The following ARHGAP26 variants were observed in gnomAD, a reference collection of about 807,000 sequenced individuals.
ARHGAP26 encodes rho GTPase-activating protein 26.
A neutral mutation model predicts 104.8 loss-of-function variants in ARHGAP26; 38 were observed. That is an observed-to-expected ratio of 0.36 (90% CI 0.28 to 0.48). The LOEUF is 0.48. Among genes scored for constraint, ARHGAP26 ranks in the 20% least tolerant of loss-of-function variants. The pLI, the probability that ARHGAP26 is intolerant of heterozygous loss-of-function variation, is 0.99. For synonymous variants in ARHGAP26, 341 were observed against 340.0 expected, an observed-to-expected ratio of 1.00 and a Z score of -0.03; for missense variants, 704 against 947.9, an observed-to-expected ratio of 0.74 and a Z score of 3.38.
In ARHGAP26 at chr5:142,907,724, G is replaced by GT; in HGVS notation, c.854dup (p.Lys286GlufsTer19). 6.2e-7 allele frequency: 1 copy of GT among 1,605,628 alleles called. No homozygotes were observed. Among genetic ancestry groups the GT allele is most frequent in the Non-Finnish European group, 8.5e-7 (1 of 1,174,476 alleles). On this transcript the variant is annotated frameshift_variant, in exon 9 of 23. Transcript: ENST00000645722. LOFTEE classifies it high-confidence loss of function. ...TTCAGGTCACTTTGGAACTTCTTGG[G>GT]TGAAGCACTACTGTACATATCAACG...
At chr5:142,829,072 T>C (rs1394048447) in intron 1 of ARHGAP26, among the ~76,000 whole-genome samples, 1 of 152,230 alleles carries the variant, frequency 6.6e-6, no homozygotes, top group Non-Finnish European at 1.5e-5. Flanking sequence ...AAGTGCTGGT[T>C]AGGCATGTGC....
chr5:142,984,584 G>T (rs538231625), intron 11 of ARHGAP26, among the ~76,000 whole-genome samples: 2 of 152,042 alleles, frequency 1.3e-5, no homozygotes, highest in Non-Finnish European at 2.9e-5. Context: ...TTTTCTTAGC[G>T]TAATGCATAG....
chr5:143,050,442 T>A (rs1784850824), intron 14 of ARHGAP26, among the ~76,000 whole-genome samples: 1 of 152,128 alleles, frequency 6.6e-6, no homozygotes, highest in South Asian at 2.1e-4. Context: ...CACGGAATTA[T>A]AGTAGCATGC....
At chr5:142,950,103 G>A (rs1157628751) in intron 11 of ARHGAP26, among the ~76,000 whole-genome samples, 2 of 152,212 alleles carry the variant, frequency 1.3e-5, no homozygotes, top group African/African-American at 4.8e-5. Flanking sequence ...CTTGCCCAGA[G>A]ATAAAATACA....
chr5:143,117,806 A>G (rs1337473404), intron 17 of ARHGAP26, among the ~76,000 whole-genome samples: 1 of 152,208 alleles, frequency 6.6e-6, no homozygotes, highest in African/African-American at 2.4e-5. Context: ...GATAGTTGAG[A>G]TACATTCCCC....
intron 1 of ARHGAP26, among the ~76,000 whole-genome samples, chr5:142,771,861 C>G (rs564662456): frequency 6.6e-6 from 1 of 152,266 alleles, no homozygotes; most frequent in African/African-American, 2.4e-5. Context: ...TTTTTCTGGC[C>G]AAATAAGCGT....
chr5:142,792,726 G>A (rs2151916836), intron 1 of ARHGAP26, among the ~76,000 whole-genome samples: 1 of 152,264 alleles, frequency 6.6e-6, no homozygotes, highest in South Asian at 2.1e-4. Context: ...GGATGTAGCT[G>A]TGGAATGAGC....
At position 143,206,164 on chromosome 5, in the gene ARHGAP26, C is replaced by T. The variant is rs1031004150; in HGVS notation, c.1989-1034C>T. On this transcript the variant is annotated intron_variant, in intron 20 of 22. Transcript: ENST00000645722. ...TGCAGTACGCTTAGAAAGTCTGTTC[C>T]CCTTGAACCGGATTTCTGTCATTTT... 3.3e-5 allele frequency among the ~76,000 whole-genome samples: 5 copies of T among 152,196 alleles called. 1 individual carries two copies. The South Asian group carries it at 1.0e-3, about 31-fold the overall frequency.
At chr5:143,141,008 G>A (rs1798456331) in intron 19 of ARHGAP26, among the ~76,000 whole-genome samples, 1 of 152,334 alleles carries the variant, frequency 6.6e-6, no homozygotes, top group Non-Finnish European at 1.5e-5. Context: ...TGTAGCATGT[G>A]CCCTTTCTCA....
chr5:142,967,372 C>T (rs1771547147), intron 11 of ARHGAP26, among the ~76,000 whole-genome samples: 1 of 152,194 alleles, frequency 6.6e-6, no homozygotes, highest in Non-Finnish European at 1.5e-5. Flanking sequence ...GACCTCCCAG[C>T]CTCCGATACC....
At chr5:143,221,129 C>G (rs1811074204) in intron 22 of ARHGAP26, among the ~76,000 whole-genome samples, 1 of 152,146 alleles carries the variant, frequency 6.6e-6, no homozygotes, top group African/African-American at 2.4e-5. Flanking sequence ...CCTCTTAGTC[C>G]CATGATTCCT....
At chr5:142,941,937 G>T (rs1293919639) in intron 11 of ARHGAP26, among the ~76,000 whole-genome samples, 1 of 152,098 alleles carries the variant, frequency 6.6e-6, no homozygotes, top group Non-Finnish European at 1.5e-5. Flanking sequence ...AATATATTTA[G>T]ATTGTCCAGC....
chr5:142,939,832 A>G (rs1017110828), intron 11 of ARHGAP26, among the ~76,000 whole-genome samples: 1 of 152,344 alleles, frequency 6.6e-6, no homozygotes. Flanking sequence ...GGATCAACCT[A>G]TATGTAAATG....
intron 20 of ARHGAP26, among the ~76,000 whole-genome samples, chr5:143,192,031 A>G (rs1806007077): frequency 1.3e-5 from 2 of 152,134 alleles, no homozygotes; most frequent in African/African-American, 4.8e-5. Flanking sequence ...TCTTTTAACT[A>G]TTTACTTGAT....
At chr5:143,089,467 C>G (rs1791084103) in intron 17 of ARHGAP26, among the ~76,000 whole-genome samples, 1 of 152,218 alleles carries the variant, frequency 6.6e-6, no homozygotes. Flanking sequence ...GCAGTCAGAC[C>G]TTGTAATGCC....
At chr5:142,882,551 T>C (rs1396856959) in intron 4 of ARHGAP26, among the ~76,000 whole-genome samples, 1 of 152,204 alleles carries the variant, frequency 6.6e-6, no homozygotes, top group African/African-American at 2.4e-5. Flanking sequence ...CAAATAAATG[T>C]CTAATTTCCA....
At chr5:143,128,463 T>C (rs2150856730) in intron 18 of ARHGAP26, among the ~76,000 whole-genome samples, 1 of 152,324 alleles carries the variant, frequency 6.6e-6, no homozygotes, top group South Asian at 2.1e-4. Flanking sequence ...CTTTCTAAAT[T>C]GTTGATCCCT....
At chr5:142,824,477 A>C (rs1008062864) in intron 1 of ARHGAP26, among the ~76,000 whole-genome samples, 1 of 152,200 alleles carries the variant, frequency 6.6e-6, no homozygotes, top group Non-Finnish European at 1.5e-5. Flanking sequence ...CCCTAGCATC[A>C]GCAGCTGTAT....
intron 21 of ARHGAP26, among the ~76,000 whole-genome samples, chr5:143,209,782 A>G (rs1174903934): frequency 8.6e-6 from 1 of 116,104 alleles, no homozygotes; most frequent in Non-Finnish European, 2.1e-5. Context: ...CTCCATCTCA[A>G]AAAAAAAAAA....
Sources: allele counts gnomAD v4.1 joint callset (sites outside exome capture counted in the v4.1 genomes callset), GRCh38; gene constraint gnomAD v4.1.1; transcripts MANE v1.5; gene names NCBI Gene and HGNC (gene_info 2026-07-23, HGNC 2026-07-21).